Variants in CDC25A observed in about 807,000 individuals in gnomAD.
The protein encoded by CDC25A is cell division cycle 25A, also known as M-phase inducer phosphatase 1.
A neutral mutation model predicts 64.6 loss-of-function variants in CDC25A; 17 were observed. The ratio of observed to expected loss-of-function variants is 0.26; its 90% CI spans 0.18 to 0.39. CDC25A has a LOEUF of 0.39. CDC25A is among the 10% of genes least tolerant of loss of function. The pLI, the probability that CDC25A is intolerant of heterozygous loss-of-function variation, is 1.00. For missense variants in CDC25A, 473 were observed against 654.8 expected, an observed-to-expected ratio of 0.72 and a Z score of 3.03; for synonymous variants, 229 against 238.6, an observed-to-expected ratio of 0.96 and a Z score of 0.37.
intron 13 of CDC25A, among the ~76,000 whole-genome samples, chr3:48,161,704 G>A (rs1475430727): frequency 6.6e-6 from 1 of 151,672 alleles, no homozygotes; most frequent in Non-Finnish European, 1.5e-5. Flanking sequence ...GACTGACCCT[G>A]ACTCAAAAAT....
chr3:48,177,915 G>A lies in CDC25A; in HGVS notation c.623C>T (p.Thr208Ile), dbSNP rs1323858064. ...ATCATCCTCATCAGACAAAGTGGCT[G>A]TCACAGGTGACTGGGGTGTAAAAAG... ...IPLFTPQSPV[T>I]ATLSDEDDGF... The change falls in exon 7 of 15, where the codon ACA (threonine) becomes ATA (isoleucine). Residue 208 changes from threonine to isoleucine, a missense_variant. By Grantham distance (89) the Thr-to-Ile change is moderately conservative. Coordinates refer to ENST00000302506, the MANE Select transcript of CDC25A (RefSeq NM_001789.3). 6.2e-7 allele frequency: 1 copy of A among 1,613,896 alleles called. No individual in the cohort carries two copies. The highest frequency in any genetic ancestry group is 1.7e-5 in the Admixed American group (1 of 60,018).
At chr3:48,175,316 T>G (rs1408692823) in intron 8 of CDC25A, among the ~76,000 whole-genome samples, 2 of 151,868 alleles carry the variant, frequency 1.3e-5, no homozygotes, top group African/African-American at 4.8e-5. Context: ...AATAAATAAA[T>G]AAAGACAAAT....
chr3:48,184,514 C>G (rs1170058793), intron 3 of CDC25A, 139 bp downstream of exon 3: 1 of 655,412 alleles, frequency 1.5e-6, no homozygotes, highest in Non-Finnish European at 2.7e-6. Context: ...ACTATTCATT[C>G]TTGAGATTCC....
At chr3:48,186,554 A>G in intron 2 of CDC25A, 149 bp downstream of exon 2, 1 of 522,666 alleles carries the variant, frequency 1.9e-6, no homozygotes, top group Non-Finnish European at 3.5e-6. Flanking sequence ...GGGCGACAAG[A>G]GCGAAACTCT....
At chr3:48,176,915 G>T (rs955216182) in intron 8 of CDC25A, among the ~76,000 whole-genome samples, 1 of 151,364 alleles carries the variant, frequency 6.6e-6, no homozygotes, top group South Asian at 2.1e-4. Flanking sequence ...AGGTTGCAGT[G>T]AGCCAAGATT....
chr3:48,161,687 C>CA (rs2031770459), intron 13 of CDC25A, among the ~76,000 whole-genome samples: 2 of 151,680 alleles, frequency 1.3e-5, no homozygotes, highest in African/African-American at 2.4e-5. Context: ...CCAGCCTGGA[C>CA]AACAGAGACT....
chr3:48,166,540 A>G (rs2032028660), intron 10 of CDC25A, among the ~76,000 whole-genome samples: 1 of 152,210 alleles, frequency 6.6e-6, no homozygotes, highest in Non-Finnish European at 1.5e-5. Flanking sequence ...GCACTTAAAC[A>G]TACAGATTTC....
In CDC25A at chr3:48,180,737, G is replaced by T; in HGVS notation, c.533C>A (p.Ser178Tyr). 1 of 1,614,178 alleles carries T rather than the reference G, an allele frequency of 6.2e-7. No individual in the cohort carries two copies. The highest frequency in any genetic ancestry group is 8.5e-7 in the Non-Finnish European group (1 of 1,179,990). Reference sequence around the variant, plus strand: ...AGCACATACCATCCGAGCTGGGGCAGAGTTCTGCCTCTGTGTGAAGAGATC... The same window carrying T: ...AGCACATACCATCCGAGCTGGGGCATAGTTCTGCCTCTGTGTGAAGAGATC... ...GKDLFTQRQN[S>Y]APARMLSSNE... The change falls in exon 6 of 15, where the codon TCT (serine) becomes TAT (tyrosine). Residue 178 changes from serine (S) to tyrosine (Y), a missense_variant. Physicochemically the swap from Ser to Tyr is moderately radical, Grantham distance 144. Coordinates refer to ENST00000302506, the MANE Select transcript of CDC25A (RefSeq NM_001789.3).
At chr3:48,180,530 A>C (rs1575271355) in intron 6 of CDC25A, 191 bp downstream of exon 6, 2 of 529,752 alleles carry the variant, frequency 3.8e-6, no homozygotes, top group Non-Finnish European at 6.6e-6. Context: ...ACCATCTCCC[A>C]CTCTTACTAC....
Position 48,174,362 on chromosome 3 carries a change from T to G in CDC25A, c.852A>C (p.Pro284=). 6.2e-7 allele frequency: 1 copy of G among 1,614,194 alleles called. No homozygotes were observed. The highest frequency in any genetic ancestry group is 1.3e-5 in the African/African-American group (1 of 75,052). The change falls in exon 9 of 15, where the codon CCA becomes CCC. Residue 284 remains proline (P), a synonymous_variant. Transcript: ENST00000302506. Reference sequence around the variant, plus strand: ...TCTTCCTCCTCTTTGTACTTCCAGGTGGAGACTCCTCTTGAGATCGTTCTG... The same window carrying G: ...TCTTCCTCCTCTTTGTACTTCCAGGGGGAGACTCCTCTTGAGATCGTTCTG... ...KRPERSQEES[P]PGSTKRRKSM... is the part of the protein sequence containing the mutation.
At chr3:48,169,793 A>G (rs530260607) in intron 9 of CDC25A, among the ~76,000 whole-genome samples, 11 of 152,088 alleles carry the variant, frequency 7.2e-5, no homozygotes, top group South Asian at 4.1e-4. Flanking sequence ...GGATCACTTG[A>G]TGTCAGGGGT....
At chr3:48,169,790 T>C (rs1387365289) in intron 9 of CDC25A, among the ~76,000 whole-genome samples, 2 of 152,066 alleles carry the variant, frequency 1.3e-5, no homozygotes, top group Non-Finnish European at 2.9e-5. Context: ...AGTGGATCAC[T>C]TGATGTCAGG....
At chr3:48,168,423 G>A (rs1029301929) in intron 9 of CDC25A, among the ~76,000 whole-genome samples, 1 of 145,820 alleles carries the variant, frequency 6.9e-6, no homozygotes, top group Non-Finnish European at 1.5e-5. Flanking sequence ...GGGCATGGTG[G>A]TGTGTGCCTG....
chr3:48,182,804 G>T (rs929115389), intron 5 of CDC25A, 125 bp downstream of exon 5: 1 of 637,442 alleles, frequency 1.6e-6, no homozygotes, highest in South Asian at 2.1e-5. Context: ...AGAATTCTCT[G>T]ACTCCAAAGA....
At chr3:48,175,331 C>T (rs529433542) in intron 8 of CDC25A, among the ~76,000 whole-genome samples, 2 of 152,168 alleles carry the variant, frequency 1.3e-5, no homozygotes, top group East Asian at 1.9e-4. Context: ...ACAAATTTTC[C>T]AGAGCCCAAG....
intron 9 of CDC25A, 94 bp downstream of exon 9, chr3:48,174,180 CAGCAAATCTT>C: frequency 9.1e-7 from 1 of 1,099,410 alleles, no homozygotes; most frequent in Non-Finnish European, 1.3e-6. Flanking sequence ...CACAAAACCC[CAGCAAATCTT>C]AGCAAAGAAA....
At position 48,188,028 on chromosome 3, in the gene CDC25A, TC is replaced by T. The variant is rs2032913934; in HGVS notation, c.-82del. 1 of 1,173,788 alleles carries T rather than the reference TC, an allele frequency of 8.5e-7. No individual in the cohort carries two copies. The highest frequency in any genetic ancestry group is 1.1e-6 in the Non-Finnish European group (1 of 928,546). 72.7% of individuals were successfully genotyped at this position (1,173,788 alleles called of 1,614,324 possible). On this transcript the variant is annotated 5_prime_UTR_variant, in exon 1 of 15. Transcript: ENST00000302506. ...CCGCCCCGCCCCGCCGACACCGGCCTCGGCCGCGCGCCACCGGCGCCCGCGG... is the reference window on the plus strand; with the variant it reads ...CCGCCCCGCCCCGCCGACACCGGCCTGGCCGCGCGCCACCGGCGCCCGCGG...
At chr3:48,166,825 G>A (rs1192556842) in intron 10 of CDC25A, among the ~76,000 whole-genome samples, 2 of 152,160 alleles carry the variant, frequency 1.3e-5, no homozygotes, top group African/African-American at 2.4e-5. Flanking sequence ...GAGCACTTGA[G>A]GCCATAAGTT....
intron 6 of CDC25A, among the ~76,000 whole-genome samples, chr3:48,178,303 A>G (rs1247819601): frequency 6.6e-6 from 1 of 152,206 alleles, no homozygotes; most frequent in African/African-American, 2.4e-5. Context: ...GTGAACACCG[A>G]TCAGCATTGA....
Sources: gnomAD v4.1 joint callset for allele counts (sites outside exome capture counted in the v4.1 genomes callset) on GRCh38, gnomAD v4.1.1 for gene constraint, MANE v1.5 for transcripts, NCBI Gene and HGNC (gene_info 2026-07-23, HGNC 2026-07-21) for gene names.